Variants in CGNL1 observed in about 807,000 individuals in gnomAD.
The protein encoded by CGNL1 is cingulin like 1.
CGNL1 carries 132 observed loss-of-function variants against 141.2 expected under a neutral mutation model. That is an observed-to-expected ratio of 0.93 (90% CI 0.81 to 1.08). CGNL1 has a LOEUF of 1.08. Ranked by LOEUF, CGNL1 falls within the 50% of genes least tolerant of loss-of-function variation. The pLI is 0.00. For synonymous variants in CGNL1, 690 were observed against 622.1 expected (o/e 1.11, Z -1.63); for missense variants, 1,870 against 1,588.6 (o/e 1.18, Z -3.01).
Position 57,546,118 on chromosome 15 carries a change from G to A in CGNL1, c.3652G>A (p.Ala1218Thr). 6.2e-7 allele frequency: 1 copy of A among 1,613,992 alleles called. No homozygotes were observed. Among genetic ancestry groups the A allele is most frequent in the Non-Finnish European group, 8.5e-7 (1 of 1,179,982 alleles). The change falls in exon 18 of 19, where the codon GCT becomes ACT. Residue 1218 changes from alanine (A) to threonine (T), a missense_variant. By Grantham distance (58) the Ala-to-Thr change is moderately conservative. Transcript: ENST00000281282. ...LKAMKRQVEE[A>T]EEEIDRLESS... ...AGCCATGAAGCGGCAGGTGGAGGAG[G>A]CTGAGGAGGAAATCGACAGACTGGA...
At chr15:57,501,059 C>T (rs997243850) in intron 8 of CGNL1, among the ~76,000 whole-genome samples, 3 of 152,122 alleles carry the variant, frequency 2.0e-5, no homozygotes, top group African/African-American at 7.2e-5. Context: ...TATTAAATAC[C>T]TAGACACATA....
intron 8 of CGNL1, among the ~76,000 whole-genome samples, chr15:57,482,559 T>C (rs1472935150): frequency 6.6e-6 from 1 of 152,228 alleles, no homozygotes; most frequent in South Asian, 2.1e-4. Context: ...CTTCCTGCAA[T>C]AATTGCTTTT....
In CGNL1 at chr15:57,439,588, C is replaced by A; in HGVS notation, c.1589C>A (p.Ala530Asp). 1 of 1,613,194 alleles carries A rather than the reference C, an allele frequency of 6.2e-7. No homozygotes were observed. The highest frequency in any genetic ancestry group is 8.5e-7 in the Non-Finnish European group (1 of 1,179,940). ...ATTTCCGTGAAGACATTTCCTTCGG[C>A]CTCAAATACTCAGGTAACACTAGTG... Reference protein sequence around the residue: ...KKISVKTFPSASNTQATPDLL... With the variant: ...KKISVKTFPSDSNTQATPDLL... The change falls in exon 2 of 19, where the codon GCC (alanine) becomes GAC (aspartate). Residue 530 changes from alanine to aspartate, a missense_variant. Ala to Asp is a moderately radical substitution (Grantham distance 126, BLOSUM62 -2). Coordinates refer to ENST00000281282, the MANE Select transcript of CGNL1 (RefSeq NM_032866.5).
chr15:57,526,921 C>T (rs1286170518), intron 12 of CGNL1, among the ~76,000 whole-genome samples: 1 of 152,140 alleles, frequency 6.6e-6, no homozygotes, highest in African/African-American at 2.4e-5. Flanking sequence ...GCACATTTGC[C>T]TGTCATTCTT....
At chr15:57,437,932 A>G in intron 1 of CGNL1, 53 bp from the exon 2 acceptor site, 1 of 1,428,698 alleles carries the variant, frequency 7.0e-7, no homozygotes, top group Non-Finnish European at 9.4e-7. Context: ...CTTCATTTAA[A>G]CAGATGTAAT....
chr15:57,503,681 A>G lies in CGNL1; in HGVS notation c.2404-13099A>G, dbSNP rs960051999. ...GAAAAAGAGGTTTAGTTGGACTTAG[A>G]GTTCCACATGGCTGGGGAGGCCTCA... On this transcript the variant is annotated intron_variant, in intron 8 of 18. Transcript: ENST00000281282. 1.8e-4 allele frequency among the ~76,000 whole-genome samples: 27 copies of G among 152,170 alleles called. 1 individual carries two copies. The highest frequency in any genetic ancestry group is 1.7e-3 in the Admixed American group (26 of 15,274).
intron 4 of CGNL1, among the ~76,000 whole-genome samples, chr15:57,447,325 T>C (rs115892558): frequency 0.011 from 1,738 of 152,348 alleles, 31 homozygotes; most frequent in African/African-American, 0.04. Context: ...AGAACTATTT[T>C]TTGAATATCC....
intron 8 of CGNL1, among the ~76,000 whole-genome samples, chr15:57,465,691 A>T (rs1170682599): frequency 1.3e-5 from 2 of 152,172 alleles, no homozygotes; most frequent in East Asian, 3.8e-4. Flanking sequence ...TTATTGCATT[A>T]AAAAGTTTAT....
At chr15:57,456,116 A>G (rs72739722) in intron 7 of CGNL1, among the ~76,000 whole-genome samples, 2 of 152,322 alleles carry the variant, frequency 1.3e-5, no homozygotes, top group Non-Finnish European at 2.9e-5. Context: ...CTACGTCACT[A>G]GTAAAATAGA....
intron 10 of CGNL1, among the ~76,000 whole-genome samples, chr15:57,521,944 T>C (rs2031285932): frequency 6.6e-6 from 1 of 152,192 alleles, no homozygotes. Context: ...TTGACGTTTT[T>C]TGGGACATGT....
At chr15:57,407,923 A>AT (rs2062741855) in intron 1 of CGNL1, among the ~76,000 whole-genome samples, 1 of 151,618 alleles carries the variant, frequency 6.6e-6, no homozygotes, top group African/African-American at 2.4e-5. Context: ...TAATTTTTAC[A>AT]TTTTTATTAG....
chr15:57,407,295 G>A (rs1314418462), intron 1 of CGNL1: 2 of 152,100 alleles, frequency 1.3e-5, no homozygotes, highest in African/African-American at 4.8e-5. Flanking sequence ...CTCCTCATCT[G>A]TTTTGTTTTA....
At chr15:57,453,982 A>G (rs1285971276) in intron 7 of CGNL1, among the ~76,000 whole-genome samples, 164 bp downstream of exon 7, 11 of 152,078 alleles carry the variant, frequency 7.2e-5, no homozygotes, top group African/African-American at 2.4e-4. Flanking sequence ...CTCTCCTCTC[A>G]GCTTGGCATT....
chr15:57,453,410 A>G (rs528213393), intron 6 of CGNL1, among the ~76,000 whole-genome samples: 3 of 152,288 alleles, frequency 2.0e-5, no homozygotes, highest in South Asian at 4.1e-4. Context: ...GTACCCTACC[A>G]TCTCCTTTTG....
intron 8 of CGNL1, among the ~76,000 whole-genome samples, chr15:57,505,205 G>C (rs1159785319): frequency 6.6e-6 from 1 of 152,170 alleles, no homozygotes; most frequent in Non-Finnish European, 1.5e-5. Context: ...CTTCTGGGTG[G>C]TACACAGTAA....
chr15:57,514,407 C>G (rs545661517), intron 8 of CGNL1, among the ~76,000 whole-genome samples: 1 of 152,292 alleles, frequency 6.6e-6, no homozygotes, highest in African/African-American at 2.4e-5. Flanking sequence ...CTGCCTGGGC[C>G]TCTTAAAGTG....
intron 1 of CGNL1, among the ~76,000 whole-genome samples, chr15:57,403,252 C>T (rs879438674): frequency 2.6e-5 from 4 of 152,174 alleles, no homozygotes; most frequent in Non-Finnish European, 5.9e-5. Context: ...CAGGTTGAAA[C>T]GCCCCTCTTT....
At chr15:57,482,697 C>T (rs2063740117) in intron 8 of CGNL1, among the ~76,000 whole-genome samples, 1 of 152,076 alleles carries the variant, frequency 6.6e-6, no homozygotes, top group South Asian at 2.1e-4. Flanking sequence ...TATATTATGT[C>T]TTAAAATCTG....
intron 1 of CGNL1, among the ~76,000 whole-genome samples, chr15:57,384,600 A>G (rs1052643943): frequency 7.9e-5 from 12 of 152,190 alleles, no homozygotes; most frequent in Admixed American, 4.6e-4. Flanking sequence ...GATAGCCTGT[A>G]TATGCCTTTA....
Sources: gnomAD v4.1 joint callset for allele counts (sites outside exome capture counted in the v4.1 genomes callset) on GRCh38, gnomAD v4.1.1 for gene constraint, MANE v1.5 for transcripts, NCBI Gene and HGNC (gene_info 2026-07-23, HGNC 2026-07-21) for gene names.